Variants in SLC29A3 observed in about 807,000 individuals in gnomAD.
SLC29A3 encodes equilibrative nucleoside transporter 3.
SLC29A3 carries 18 observed loss-of-function variants against 25.4 expected under a neutral mutation model. That is an observed-to-expected ratio of 0.71 (90% CI 0.49 to 1.05). The LOEUF (loss-of-function observed/expected upper bound fraction) is 1.05. SLC29A3 is among the 50% of genes least tolerant of loss of function. The probability of loss-of-function intolerance (pLI) is 0.00; values close to 1 mark genes in which losing one functional copy is unlikely to be tolerated. For synonymous variants in SLC29A3, 258 were observed against 267.1 expected, an observed-to-expected ratio of 0.97 and a Z score of 0.33; for missense variants, 586 against 609.0, an observed-to-expected ratio of 0.96 and a Z score of 0.40.
Position 71,351,805 on chromosome 10 carries a change from G to T in SLC29A3, c.610+17G>T. 1.3e-6 allele frequency: 2 copies of T among 1,594,300 alleles called. No individual in the cohort carries two copies. The highest frequency in any genetic ancestry group is 8.5e-7 in the Non-Finnish European group (1 of 1,172,002). Reference sequence around the variant, plus strand: ...TGATATCAGGTGAGAGCCAGGGTCCGGGCAGCTGACCAGGTTCATCCACCC... The same window carrying T: ...TGATATCAGGTGAGAGCCAGGGTCCTGGCAGCTGACCAGGTTCATCCACCC... On this transcript the variant is annotated intron_variant, in intron 4 of 5. Coordinates refer to ENST00000373189, the MANE Select transcript of SLC29A3 (RefSeq NM_018344.6).
chr10:71,348,112 C>T (rs1846642946), intron 3 of SLC29A3, among the ~76,000 whole-genome samples: 1 of 152,230 alleles, frequency 6.6e-6, no homozygotes, highest in Admixed American at 6.5e-5. Flanking sequence ...GAAACCTCCC[C>T]ACCCCCGGGT....
At chr10:71,356,800 G>T (rs1589241029) in intron 5 of SLC29A3, among the ~76,000 whole-genome samples, 1 of 152,212 alleles carries the variant, frequency 6.6e-6, no homozygotes, top group Admixed American at 6.5e-5. Context: ...ATTCCAGCCT[G>T]GGTGACGGCA....
At chr10:71,325,905 T>C (rs1845954073) in intron 2 of SLC29A3, among the ~76,000 whole-genome samples, 1 of 148,846 alleles carries the variant, frequency 6.7e-6, no homozygotes, top group African/African-American at 2.5e-5. Context: ...ATTTCTGGAC[T>C]ATATTAGTAC....
chr10:71,324,551 G>A (rs1845923208), intron 2 of SLC29A3, among the ~76,000 whole-genome samples: 1 of 152,204 alleles, frequency 6.6e-6, no homozygotes, highest in Admixed American at 6.5e-5. Flanking sequence ...ACAGTCTACT[G>A]TTAAACAATA....
chr10:71,375,931 T>G (rs1342843939), intron 4 of SLC29A3: 1 of 152,190 alleles, frequency 6.6e-6, no homozygotes, highest in Non-Finnish European at 1.5e-5. Context: ...CACTGATTGA[T>G]CCCTTTAAAT....
At position 71,344,744 on chromosome 10, in the gene SLC29A3, T is replaced by C. The variant is rs192119923; in HGVS notation, c.383+453T>C. On this transcript the variant is annotated intron_variant, in intron 3 of 5. Transcript: ENST00000373189. ...AGGGCCACGAGAGGCTCCATCTGGA[T>C]ATGCCTGGGAAGGAGTTATTCAGGA... is the stretch of plus-strand genomic sequence containing the variant. 4.5e-4 allele frequency among the ~76,000 whole-genome samples: 69 copies of C among 152,338 alleles called. No individual in the cohort carries two copies. In the East Asian group the frequency reaches 5.4e-3, roughly 12 times the overall value.
chr10:71,329,470 A>G (rs949038197), intron 2 of SLC29A3, among the ~76,000 whole-genome samples: 1 of 151,828 alleles, frequency 6.6e-6, no homozygotes, highest in Non-Finnish European at 1.5e-5. Context: ...AAAAAAAAAA[A>G]AAAGAAAAGA....
At chr10:71,321,535 G>A (rs1430021736) in intron 1 of SLC29A3, among the ~76,000 whole-genome samples, 1 of 152,212 alleles carries the variant, frequency 6.6e-6, no homozygotes, top group African/African-American at 2.4e-5. Flanking sequence ...AAAGAAGCAG[G>A]CATGCTACCT....
downstream of SLC29A3, among the ~76,000 whole-genome samples, chr10:71,363,626 G>A (rs527517125): frequency 1.3e-4 from 19 of 151,500 alleles, 1 homozygote; most frequent in Admixed American, 8.6e-4. Flanking sequence ...ACCATGCCTC[G>A]CTAATTTCTG....
At chr10:71,376,227 T>A (rs1191996494) in intron 4 of SLC29A3, among the ~76,000 whole-genome samples, 1 of 152,234 alleles carries the variant, frequency 6.6e-6, no homozygotes, top group Non-Finnish European at 1.5e-5. Context: ...CTATTGCTTA[T>A]TGAAACTACT....
At chr10:71,343,806 G>T (rs574861769) in intron 2 of SLC29A3, among the ~76,000 whole-genome samples, 1 of 152,154 alleles carries the variant, frequency 6.6e-6, no homozygotes, top group Non-Finnish European at 1.5e-5. Flanking sequence ...AAACAAAAAC[G>T]TGGATAGTCT....
chr10:71,351,056 T>C (rs1564537666), intron 3 of SLC29A3, among the ~76,000 whole-genome samples: 1 of 152,222 alleles, frequency 6.6e-6, no homozygotes, highest in Non-Finnish European at 1.5e-5. Context: ...TCTTTCCTTC[T>C]TCCCTTTGCC....
chr10:71,355,605 G>T (rs749334803), intron 4 of SLC29A3, among the ~76,000 whole-genome samples: 4 of 152,150 alleles, frequency 2.6e-5, no homozygotes, highest in Non-Finnish European at 5.9e-5. Context: ...GGCAGCAGGG[G>T]ACCCTATGTG....
Position 71,323,038 on chromosome 10 carries a change from A to G in SLC29A3, c.284A>G (p.Glu95Gly). The G allele has an allele frequency of 6.2e-7, 1 of 1,613,444 alleles. No individual in the cohort carries two copies. The highest frequency in any genetic ancestry group is 8.5e-7 in the Non-Finnish European group (1 of 1,180,042). The part of the protein sequence containing the change: ...SSSPATGEDP[E>G]GSDILNYFES... ...AGCCCAGCCACCGGGGAGGACCCTG[A>G]GGGCTCAGACATCCTGGTAAGGGCA... Residue 95 changes from glutamate to glycine, a missense_variant, in exon 2 of 6, where the codon GAG (glutamate) becomes GGG (glycine). Glu to Gly is a moderately conservative substitution (Grantham distance 98, BLOSUM62 -2). Transcript: ENST00000373189.
At chr10:71,374,653 C>T (rs75167474) in intron 3 of SLC29A3, among the ~76,000 whole-genome samples, 6,445 of 152,158 alleles carry the variant, frequency 0.042, 178 homozygotes, top group Middle Eastern at 0.099. Flanking sequence ...CAGCTGGCAG[C>T]GGGAGAAAGG....
chr10:71,325,907 T>C (rs1845954184), intron 2 of SLC29A3, among the ~76,000 whole-genome samples: 1 of 147,738 alleles, frequency 6.8e-6, no homozygotes, highest in Non-Finnish European at 1.5e-5. Flanking sequence ...TTCTGGACTA[T>C]ATTAGTACTT....
At position 71,362,413 on chromosome 10, in the gene SLC29A3, C is replaced by T. The variant is rs756751578; in HGVS notation, c.1233C>T (p.Ser411=). 19 of 1,614,074 alleles carry T rather than the reference C, an allele frequency of 1.2e-5. No homozygotes were observed. Among genetic ancestry groups the T allele is most frequent in the Admixed American group, 5.0e-5 (3 of 60,012 alleles). ...ACCTGAAGACTGTGGTCTTCCAGTC[C>T]GATGTGTACCCCGCACTCCTCAGCT... ...RVHLKTVVFQ[S]DVYPALLSSL... is the part of the protein sequence containing the mutation. Residue 411 remains serine (S), a synonymous_variant, in exon 6 of 6, where the codon TCC becomes TCT. Transcript: ENST00000373189.
intron 3 of SLC29A3, among the ~76,000 whole-genome samples, chr10:71,348,937 G>A (rs1165929541): frequency 6.6e-6 from 1 of 152,182 alleles, no homozygotes; most frequent in East Asian, 1.9e-4. Context: ...CCTTCAGGAG[G>A]GACAAGAACA....
chr10:71,329,744 A>G (rs917629485), intron 2 of SLC29A3, among the ~76,000 whole-genome samples: 11 of 152,348 alleles, frequency 7.2e-5, no homozygotes, highest in Non-Finnish European at 1.2e-4. Context: ...AAAAAGGACT[A>G]TGATTCAAGT....
Sources: allele counts gnomAD v4.1 joint callset (sites outside exome capture counted in the v4.1 genomes callset), GRCh38; gene constraint gnomAD v4.1.1; transcripts MANE v1.5; gene names NCBI Gene and HGNC (gene_info 2026-07-23, HGNC 2026-07-21).